The following MCCC1 variants were observed in gnomAD, a reference collection of about 807,000 sequenced individuals.
MCCC1 encodes the protein methylcrotonyl-CoA carboxylase subunit 1.
A neutral mutation model predicts 83.8 loss-of-function variants in MCCC1; 64 were observed. That is an observed-to-expected ratio of 0.76 (90% CI 0.62 to 0.94). The LOEUF (loss-of-function observed/expected upper bound fraction) is 0.94. Among genes scored for constraint, MCCC1 ranks in the 40% least tolerant of loss-of-function variants. The pLI is 0.00. For synonymous variants in MCCC1, 322 were observed against 315.4 expected, an observed-to-expected ratio of 1.02 and a Z score of -0.22; for missense variants, 807 against 904.7, an observed-to-expected ratio of 0.89 and a Z score of 1.39.
At chr3:183,031,302 T>C (rs1352676457) in intron 14 of MCCC1, among the ~76,000 whole-genome samples, 1 of 152,186 alleles carries the variant, frequency 6.6e-6, no homozygotes, top group African/African-American at 2.4e-5. Context: ...TAATACAGTA[T>C]CTGACATAAA....
intron 4 of MCCC1, among the ~76,000 whole-genome samples, chr3:183,073,190 A>C (rs1275995964): frequency 6.6e-6 from 1 of 152,190 alleles, no homozygotes; most frequent in Non-Finnish European, 1.5e-5. Flanking sequence ...CTAGCTGTAT[A>C]CCAAAAGTGG....
upstream of MCCC1, among the ~76,000 whole-genome samples, chr3:183,101,680 A>G (rs1223519544): frequency 6.6e-6 from 1 of 152,184 alleles, no homozygotes; most frequent in Non-Finnish European, 1.5e-5. Context: ...CAGGCTGCCC[A>G]AACCAGCATT....
upstream of MCCC1, among the ~76,000 whole-genome samples, chr3:183,101,219 T>C (rs536917688): frequency 6.6e-6 from 1 of 152,234 alleles, no homozygotes; most frequent in African/African-American, 2.4e-5. Context: ...GCCTCCCCGA[T>C]GAGCGCCACC....
chr3:183,023,799 C>A (rs1712353478), intron 15 of MCCC1, among the ~76,000 whole-genome samples: 1 of 149,472 alleles, frequency 6.7e-6, no homozygotes, highest in Non-Finnish European at 1.5e-5. Flanking sequence ...TGAATTCCCA[C>A]TTTTTTTTTT....
At chr3:183,091,484 C>T (rs1307047980) in intron 3 of MCCC1, among the ~76,000 whole-genome samples, 1 of 152,120 alleles carries the variant, frequency 6.6e-6, no homozygotes, top group Non-Finnish European at 1.5e-5. Flanking sequence ...ATGAGAATCA[C>T]TTGAACCTGG....
At chr3:183,066,173 C>T (rs1716243854) in intron 7 of MCCC1, among the ~76,000 whole-genome samples, 1 of 152,168 alleles carries the variant, frequency 6.6e-6, no homozygotes, top group Admixed American at 6.5e-5. Flanking sequence ...ATAACTGTTA[C>T]ATAAAACCAT....
At chr3:183,043,265 CA>C (rs1163229498) in intron 10 of MCCC1, among the ~76,000 whole-genome samples, 1 of 152,172 alleles carries the variant, frequency 6.6e-6, no homozygotes, top group Non-Finnish European at 1.5e-5. Context: ...CCAGCCTGGG[CA>C]AAAAGAGCAA....
intron 4 of MCCC1, among the ~76,000 whole-genome samples, chr3:183,082,422 A>G (rs1367680135): frequency 6.6e-6 from 1 of 152,234 alleles, no homozygotes; most frequent in Non-Finnish European, 1.5e-5. Flanking sequence ...TAATACACAT[A>G]TAGAAAAGCA....
intron 10 of MCCC1, among the ~76,000 whole-genome samples, chr3:183,045,190 C>T (rs1714447890): frequency 6.6e-6 from 1 of 151,158 alleles, no homozygotes; most frequent in Non-Finnish European, 1.5e-5. Context: ...AGTGATTCTC[C>T]TGCCTCAGCC....
chr3:183,102,023 T>G (rs968873199), upstream of MCCC1, among the ~76,000 whole-genome samples: 1 of 152,250 alleles, frequency 6.6e-6, no homozygotes. Context: ...ACGCGCCGCC[T>G]TAAGAGCTGT....
intron 1 of MCCC1, 40 bp from the exon 2 acceptor site, chr3:183,094,645 T>C (rs866897210): frequency 6.3e-7 from 1 of 1,575,032 alleles, no homozygotes; most frequent in Non-Finnish European, 8.7e-7. Flanking sequence ...TTAAACAGAA[T>C]AGGCAACACA....
chr3:183,041,379 A>G (rs1714069631), intron 11 of MCCC1, among the ~76,000 whole-genome samples, 188 bp downstream of exon 11: 1 of 152,228 alleles, frequency 6.6e-6, no homozygotes, highest in Non-Finnish European at 1.5e-5. Context: ...TTGTTGAAAA[A>G]TACTTGTTAT....
Position 183,094,579 on chromosome 3 carries a change from A to G in MCCC1, c.116T>C (p.Met39Thr). ...PRTWVWRQRTMKYTTATGRNI... is the reference protein window; with the variant it reads ...PRTWVWRQRTTKYTTATGRNI... ...AGTACCTGTGGCTGTTGTGTACTTC[A>G]TGGTTCTTTGCCTCCACACCCATGT... The change falls in exon 2 of 19, where the codon ATG becomes ACG. Residue 39 changes from methionine (M) to threonine (T), a missense_variant. Physicochemically the swap from Met to Thr is moderately conservative, Grantham distance 81. Transcript: ENST00000265594. The G allele has an allele frequency of 1.2e-6, 2 of 1,614,168 alleles. No individual in the cohort carries two copies. Among genetic ancestry groups the G allele is most frequent in the South Asian group, 2.2e-5 (2 of 91,084 alleles).
In MCCC1 at chr3:183,064,109, T is replaced by A. The variant is rs779199277; in HGVS notation, c.762-6687A>T. ...TCTCGGCTAAGAATGGGTTTGGCAC[T>A]ATGGATGTTAACTGCTATTCTGTTT... On this transcript the variant is annotated intron_variant, in intron 7 of 18. Coordinates refer to ENST00000265594, the MANE Select transcript of MCCC1 (RefSeq NM_020166.5). The surrounding 1 kb of genome is among the most constrained non-coding windows in gnomAD (Gnocchi z 4.5). Among the ~76,000 whole-genome samples the A allele has an allele frequency of 1.3e-5, 2 of 152,140 alleles. No individual in the cohort carries two copies. The highest frequency in any genetic ancestry group is 2.9e-5 in the Non-Finnish European group (2 of 68,030).
At chr3:183,036,184 A>G (rs1323179673) in intron 13 of MCCC1, among the ~76,000 whole-genome samples, 3 of 152,140 alleles carry the variant, frequency 2.0e-5, no homozygotes, top group Non-Finnish European at 4.4e-5. Context: ...AAGTTGGGCA[A>G]CAGCTTAGTG....
intron 9 of MCCC1, among the ~76,000 whole-genome samples, chr3:183,050,721 A>G (rs968921072): frequency 1.3e-5 from 2 of 151,470 alleles, no homozygotes; most frequent in African/African-American, 4.9e-5. Context: ...AAAAAAAAAA[A>G]AAAAAGAAAG....
At chr3:183,102,468 A>G (rs900510732), upstream of MCCC1, among the ~76,000 whole-genome samples, 6 of 152,214 alleles carry the variant, frequency 3.9e-5, no homozygotes, top group African/African-American at 1.4e-4. Flanking sequence ...ATGATTCACT[A>G]TTAAGAAATC....
intron 7 of MCCC1, among the ~76,000 whole-genome samples, chr3:183,062,505 C>A (rs770993710): frequency 6.6e-6 from 1 of 152,042 alleles, no homozygotes; most frequent in Non-Finnish European, 1.5e-5. Flanking sequence ...CAGGCACACA[C>A]CACCATGCCT....
intron 4 of MCCC1, among the ~76,000 whole-genome samples, chr3:183,080,127 G>C (rs923986230): frequency 6.6e-6 from 1 of 152,166 alleles, no homozygotes; most frequent in Non-Finnish European, 1.5e-5. Flanking sequence ...CCATTGTCTT[G>C]GGGATTAACG....
Sources: allele counts gnomAD v4.1 joint callset (sites outside exome capture counted in the v4.1 genomes callset), GRCh38; gene constraint gnomAD v4.1.1; non-coding constraint Gnocchi (gnomAD v3.1); transcripts MANE v1.5; gene names NCBI Gene and HGNC (gene_info 2026-07-23, HGNC 2026-07-21).